The following RANBP2 variants were observed in gnomAD, a reference collection of about 807,000 sequenced individuals.
The protein encoded by RANBP2 is E3 SUMO-protein ligase RanBP2.
Under a neutral mutation model 303.6 loss-of-function variants are expected in RANBP2, and 57 were observed. That is an observed-to-expected ratio of 0.19 (90% CI 0.15 to 0.23). RANBP2 has a LOEUF of 0.23. RANBP2 is among the 10% of genes least tolerant of loss of function. The pLI is 1.00. For missense variants in RANBP2, 3,138 were observed against 3,780.8 expected (o/e 0.83, Z 4.46); for synonymous variants, 1,167 against 1,301.5 (o/e 0.90, Z 2.23).
At chr2:109,395,169 C>T in the RANBP2 span, among the ~76,000 whole-genome samples, 12 of 152,352 alleles carry the variant, frequency 7.9e-5, no homozygotes, top group Admixed American at 5.9e-4. Flanking sequence ...CCAGTGCGTG[C>T]GCTACTCGCA....
At chr2:109,377,555 G>A in the RANBP2 span, among the ~76,000 whole-genome samples, 1 of 152,104 alleles carries the variant, frequency 6.6e-6, no homozygotes, top group Admixed American at 6.5e-5. Flanking sequence ...AATATGGTGT[G>A]GTGTTTGGGA....
intron 9 of RANBP2, among the ~76,000 whole-genome samples, chr2:108,750,931 A>G (rs1675832173): frequency 6.6e-6 from 1 of 152,136 alleles, no homozygotes. Context: ...AGGAAAACCC[A>G]TCGTTTTGGG....
the RANBP2 span, among the ~76,000 whole-genome samples, chr2:109,371,858 G>A: frequency 6.6e-6 from 1 of 152,244 alleles, no homozygotes; most frequent in Non-Finnish European, 1.5e-5. Context: ...GGTCAGTGCT[G>A]TGAGCACTGC....
At chr2:108,986,639 A>G in the RANBP2 span, among the ~76,000 whole-genome samples, 1 of 152,186 alleles carries the variant, frequency 6.6e-6, no homozygotes, top group African/African-American at 2.4e-5. Context: ...CTGAGCCTCA[A>G]TTTCCTTATT....
At chr2:109,424,778 T>C in the RANBP2 span, among the ~76,000 whole-genome samples, 6 of 152,110 alleles carry the variant, frequency 3.9e-5, no homozygotes, top group African/African-American at 1.4e-4. Context: ...TCTCTTTCTC[T>C]CCCCAGGCCT....
chr2:109,170,234 CTTCTT>C, the RANBP2 span, among the ~76,000 whole-genome samples: 8,055 of 65,302 alleles, frequency 0.12, 688 homozygotes, highest in African/African-American at 0.16. Context: ...CTTCTCTTCT[CTTCTT>C]TTCTTTTCTC....
the RANBP2 span, among the ~76,000 whole-genome samples, chr2:109,217,529 C>G: frequency 2.0e-5 from 3 of 152,196 alleles, no homozygotes; most frequent in African/African-American, 7.2e-5. Flanking sequence ...CCCCAGACTT[C>G]AAGTATCTTT....
chr2:109,501,719 G>A, the RANBP2 span: 2 of 712,590 alleles, frequency 2.8e-6, no homozygotes, highest in Non-Finnish European at 5.2e-6. Flanking sequence ...GGCCGCCTGG[G>A]AAGCTCCACG....
chr2:109,298,962 GT>G, the RANBP2 span, among the ~76,000 whole-genome samples: 1 of 152,200 alleles, frequency 6.6e-6, no homozygotes, highest in East Asian at 1.9e-4. Context: ...AAGCCAGGCC[GT>G]ATGACACGGC....
the RANBP2 span, among the ~76,000 whole-genome samples, chr2:109,439,203 C>A: frequency 4.6e-5 from 7 of 152,150 alleles, no homozygotes; most frequent in African/African-American, 1.7e-4. Context: ...ACCATAGTAA[C>A]CATGAGGGTG....
chr2:109,155,448 G>A, the RANBP2 span, among the ~76,000 whole-genome samples: 5 of 151,900 alleles, frequency 3.3e-5, no homozygotes, highest in East Asian at 1.9e-4. Context: ...GACTACAGGC[G>A]CCCACCACCA....
chr2:108,805,303 C>T, the RANBP2 span, among the ~76,000 whole-genome samples: 1 of 152,138 alleles, frequency 6.6e-6, no homozygotes, highest in Non-Finnish European at 1.5e-5. Context: ...TTATTTATCA[C>T]TACTTATTTA....
At chr2:109,613,740 G>C in the RANBP2 span, 10 of 1,126,638 alleles carry the variant, frequency 8.9e-6, no homozygotes, top group Admixed American at 1.7e-4. Context: ...TCGAGGGCGG[G>C]AAGTCCCGCG....
chr2:108,849,063 A>T, the RANBP2 span, among the ~76,000 whole-genome samples: 50 of 152,306 alleles, frequency 3.3e-4, no homozygotes, highest in African/African-American at 1.1e-3. Context: ...GATTTCTGCA[A>T]ATGAAAAACC....
At chr2:109,720,460 C>A in the RANBP2 span, among the ~76,000 whole-genome samples, 1 of 152,114 alleles carries the variant, frequency 6.6e-6, no homozygotes, top group Non-Finnish European at 1.5e-5. Flanking sequence ...CAAATTGAAA[C>A]CAAATCTCTT....
At chr2:109,012,858 G>C in the RANBP2 span, among the ~76,000 whole-genome samples, 1 of 152,184 alleles carries the variant, frequency 6.6e-6, no homozygotes, top group Non-Finnish European at 1.5e-5. Context: ...AGCTTGCAGT[G>C]AGCAGAGACC....
chr2:109,624,942 G>C, the RANBP2 span, among the ~76,000 whole-genome samples: 2 of 151,780 alleles, frequency 1.3e-5, no homozygotes, highest in Non-Finnish European at 2.9e-5. Context: ...TTAGCCTGGA[G>C]TGGTGGTGGG....
the RANBP2 span, among the ~76,000 whole-genome samples, chr2:109,035,952 A>T: frequency 6.6e-6 from 1 of 152,270 alleles, no homozygotes; most frequent in Non-Finnish European, 1.5e-5. Flanking sequence ...TGGATTTCTC[A>T]TCTTGAAACC....
chr2:109,248,768 CTT>C, the RANBP2 span, among the ~76,000 whole-genome samples: 8 of 150,858 alleles, frequency 5.3e-5, no homozygotes, highest in South Asian at 2.1e-4. Context: ...CTCTCTCTCT[CTT>C]TCTCTTCTTT....
Sources: gnomAD v4.1 joint callset for allele counts (sites outside exome capture counted in the v4.1 genomes callset) on GRCh38, gnomAD v4.1.1 for gene constraint, MANE v1.5 for transcripts, NCBI Gene and HGNC (gene_info 2026-07-23, HGNC 2026-07-21) for gene names.